The following INTS2 variants were observed in gnomAD, a reference collection of about 807,000 sequenced individuals.
The protein encoded by INTS2 is KIAA1287.
Under a neutral mutation model 139.6 loss-of-function variants are expected in INTS2, and 57 were observed. That is an observed-to-expected ratio of 0.41 (90% confidence interval 0.33 to 0.51). The LOEUF (loss-of-function observed/expected upper bound fraction) is 0.51, where lower values mean the gene tolerates loss of function less well. Ranked by LOEUF, INTS2 falls within the 20% of genes least tolerant of loss-of-function variation. INTS2 has a pLI of 0.28. For synonymous variants in INTS2, 473 were observed against 493.4 expected (o/e 0.96, Z 0.55); for missense variants, 1,196 against 1,436.7 (o/e 0.83, Z 2.71).
At chr17:61,913,647 G>T (rs1008029811) in intron 5 of INTS2, among the ~76,000 whole-genome samples, 1 of 152,022 alleles carries the variant, frequency 6.6e-6, no homozygotes, top group Non-Finnish European at 1.5e-5. Context: ...AAAAGATGAC[G>T]TCAACCTAAA....
chr17:61,867,341 G>C lies in INTS2; in HGVS notation c.*216C>G, dbSNP rs1254012004. 2 of 330,858 alleles carry C rather than the reference G, an allele frequency of 6.0e-6. No individual in the cohort carries two copies. Among genetic ancestry groups the C allele is most frequent in the African/African-American group, 4.3e-5 (2 of 46,840 alleles). The allele number at this position is 330,858 out of a possible 1,614,324, so 20.5% of individuals were successfully genotyped here. A position where few individuals can be genotyped will look rare whatever the true frequency, so the allele number is the denominator to read the frequency against. On this transcript the variant is annotated 3_prime_UTR_variant, in exon 25 of 25. Coordinates refer to ENST00000251334, the MANE Select transcript of INTS2 (RefSeq NM_001351695.2). This position sits in a 1 kb window ranked among gnomAD's most constrained non-coding sequence, Gnocchi z 5.6. ...AAAAAAAAGCTCAGCTGCTACAATA[G>C]AAACATATCAGCAAAGTAGATCCAA...
chr17:61,915,808 ACT>A (rs2079576681), intron 5 of INTS2, among the ~76,000 whole-genome samples: 1 of 129,770 alleles, frequency 7.7e-6, no homozygotes, highest in African/African-American at 2.8e-5. Context: ...ACAGAGCAAG[ACT>A]CTGTCTAAAA....
In INTS2 at chr17:61,909,605, C is replaced by T. The variant is rs1236408116; in HGVS notation, c.954+1915G>A. On this transcript the variant is annotated intron_variant, in intron 7 of 24. Coordinates refer to ENST00000251334, the MANE Select transcript of INTS2 (RefSeq NM_001351695.2). The surrounding 1 kb of genome is among the most constrained non-coding windows in gnomAD (Gnocchi z 4.9). ...TCTATGATGTGTATTATCCCACTCG[C>T]TTATGTCCATGTGTACACATGATTA... Among the ~76,000 whole-genome samples the T allele has an allele frequency of 6.6e-6, 1 of 152,076 alleles. No individual in the cohort carries two copies.
chr17:61,886,791 T>C (rs2079233346), intron 15 of INTS2, among the ~76,000 whole-genome samples: 1 of 152,210 alleles, frequency 6.6e-6, no homozygotes, highest in Admixed American at 6.5e-5. Flanking sequence ...GTTTATTCTC[T>C]TACAAACTAC....
At chr17:61,885,952 T>C (rs1229456002) in intron 15 of INTS2, among the ~76,000 whole-genome samples, 1 of 147,606 alleles carries the variant, frequency 6.8e-6, no homozygotes, top group South Asian at 2.2e-4. Context: ...ATGGTCTCGA[T>C]CTCCTGACCT....
At chr17:61,913,113 G>A (rs1253324186) in intron 5 of INTS2, among the ~76,000 whole-genome samples, 3 of 151,348 alleles carry the variant, frequency 2.0e-5, no homozygotes, top group African/African-American at 2.4e-5. Context: ...GAGGATAGGC[G>A]CATCACCTGA....
Position 61,909,387 on chromosome 17 carries a change from G to T in INTS2, c.955-1753C>A, listed in dbSNP as rs940088322. Among the ~76,000 whole-genome samples, 1 of 152,158 alleles carries T rather than the reference G, an allele frequency of 6.6e-6. No homozygotes were observed. The highest frequency in any genetic ancestry group is 2.4e-5 in the African/African-American group (1 of 41,442). On this transcript the variant is annotated intron_variant, in intron 7 of 24. Transcript: ENST00000251334. This position sits in a 1 kb window ranked among gnomAD's most constrained non-coding sequence, Gnocchi z 4.9. ...GCCTCCCAAAGTGCTGGGATTACAG[G>T]CGTAAGCCACCCCACCCAGCCCTTA...
At chr17:61,906,224 TG>T (rs2079461289) in intron 8 of INTS2, among the ~76,000 whole-genome samples, 1 of 152,190 alleles carries the variant, frequency 6.6e-6, no homozygotes, top group South Asian at 2.1e-4. Context: ...AAATGCTCAT[TG>T]GAGCATTAAG....
chr17:61,921,833 A>C lies in INTS2; in HGVS notation c.433-6T>G. 1 of 1,406,598 alleles carries C rather than the reference A, an allele frequency of 7.1e-7. No individual in the cohort carries two copies. Among genetic ancestry groups the C allele is most frequent in the Non-Finnish European group, 9.8e-7 (1 of 1,015,888 alleles). The allele number at this position is 1,406,598 out of a possible 1,614,324, so 87.1% of individuals were successfully genotyped here. A position where few individuals can be genotyped will look rare whatever the true frequency, so the allele number is the denominator to read the frequency against. ...TCTCCGTTGGACTCAGACACCTTAA[A>C]AAAGAAAAAAAAAAGATATAAACTC... On this transcript the variant is annotated splice_region_variant and splice_polypyrimidine_tract_variant and intron_variant, in intron 3 of 24. Coordinates refer to ENST00000251334, the MANE Select transcript of INTS2 (RefSeq NM_001351695.2).
rs1037657854 is a variant in INTS2, at chr17:61,869,497, T to A, written c.3031-117A>T. 2.4e-6 allele frequency: 2 copies of A among 833,544 alleles called. No individual in the cohort carries two copies. Among genetic ancestry groups the A allele is most frequent in the African/African-American group, 3.5e-5 (2 of 57,904 alleles). The allele number at this position is 833,544 out of a possible 1,614,324, so 51.6% of individuals were successfully genotyped here. ...GTAAAAATTGCTCAGAAGGCTATAG[T>A]GCCCCATATGTAACCTGGCATTTCA... On this transcript the variant is annotated intron_variant, in intron 21 of 24. Coordinates refer to ENST00000251334, the MANE Select transcript of INTS2 (RefSeq NM_001351695.2). The surrounding 1 kb of genome is among the most constrained non-coding windows in gnomAD (Gnocchi z 5.4).
At position 61,882,995 on chromosome 17, in the gene INTS2, A is replaced by G. The variant is rs1212547972; in HGVS notation, c.2090-1824T>C. 2.0e-5 allele frequency among the ~76,000 whole-genome samples: 3 copies of G among 152,148 alleles called. No homozygotes were observed. The highest frequency in any genetic ancestry group is 4.4e-5 in the Non-Finnish European group (3 of 68,016). ...TTCTCATAGAAACAGCTTAAAATTGATGTTTCTGTGTTTGAAAAGACATCG... is the reference window on the plus strand; with the variant it reads ...TTCTCATAGAAACAGCTTAAAATTGGTGTTTCTGTGTTTGAAAAGACATCG... On this transcript the variant is annotated intron_variant, in intron 16 of 24. Transcript: ENST00000251334. The surrounding 1 kb of genome is among the most constrained non-coding windows in gnomAD (Gnocchi z 4.7).
intron 6 of INTS2, 32 bp downstream of exon 6, chr17:61,911,908 G>C: frequency 6.3e-7 from 1 of 1,597,410 alleles, no homozygotes; most frequent in East Asian, 2.2e-5. Context: ...TAATATAAAG[G>C]CCTTTGTCTA....
Position 61,909,815 on chromosome 17 carries a change from A to ATGTGTGTG in INTS2, c.954+1704_954+1705insCACACACA, listed in dbSNP as rs765163741. On this transcript the variant is annotated intron_variant, in intron 7 of 24. Transcript: ENST00000251334. This position sits in a 1 kb window ranked among gnomAD's most constrained non-coding sequence, Gnocchi z 4.9. ...TATACATATATACGTGTGTGTGTAC[A>ATGTGTGTG]TGTGTGTATGTGTGTGTGTGTGTGT... is the stretch of plus-strand genomic sequence containing the variant. Among the ~76,000 whole-genome samples the ATGTGTGTG allele has an allele frequency of 2.8e-5, 2 of 72,510 alleles. No individual in the cohort carries two copies. Among genetic ancestry groups the ATGTGTGTG allele is most frequent in the African/African-American group, 9.7e-5 (2 of 20,600 alleles). The allele number at this position is 72,510 out of a possible 152,430, so 47.6% of individuals were successfully genotyped here. A position where few individuals can be genotyped will look rare whatever the true frequency, so the allele number is the denominator to read the frequency against.
chr17:61,887,575 C>T lies in INTS2; in HGVS notation c.1984+2211G>A, dbSNP rs148837080. Among the ~76,000 whole-genome samples, 26 of 151,386 alleles carry T rather than the reference C, an allele frequency of 1.7e-4. 1 individual carries two copies. Among genetic ancestry groups the T allele is most frequent in the Middle Eastern group, 3.4e-3 (1 of 290 alleles). On this transcript the variant is annotated intron_variant, in intron 15 of 24. Coordinates refer to ENST00000251334, the MANE Select transcript of INTS2 (RefSeq NM_001351695.2). ...ATAGGAAGACTTAGTACTGCAAAGA[C>T]GTAAATTCTCTCCAAATTAATCTAT... is the stretch of plus-strand genomic sequence containing the variant.
rs2079189100 is a variant in INTS2 at position 61,882,788 on chromosome 17, T to C, written c.2090-1617A>G. ...AGTTAATGAATTAACGAAGTACTAC[T>C]ATGCTAAGTGCTTCACACATAAGTA... On this transcript the variant is annotated intron_variant, in intron 16 of 24. Transcript: ENST00000251334. This position sits in a 1 kb window ranked among gnomAD's most constrained non-coding sequence, Gnocchi z 4.7. Among the ~76,000 whole-genome samples the C allele has an allele frequency of 6.6e-6, 1 of 152,214 alleles. No individual in the cohort carries two copies.
rs1567885579 is a variant in INTS2 at position 61,868,644 on chromosome 17, T to C, written c.3244+390A>G. Among the ~76,000 whole-genome samples the C allele has an allele frequency of 6.6e-6, 1 of 152,196 alleles. No homozygotes were observed. Reference sequence around the variant, plus strand: ...ATCTAATACATTTATCTTTCATTTATACATATGATGATATTTTTCTGGAAC... The same window carrying C: ...ATCTAATACATTTATCTTTCATTTACACATATGATGATATTTTTCTGGAAC... On this transcript the variant is annotated intron_variant, in intron 23 of 24. Coordinates refer to ENST00000251334, the MANE Select transcript of INTS2 (RefSeq NM_001351695.2). This position sits in a 1 kb window ranked among gnomAD's most constrained non-coding sequence, Gnocchi z 4.7.
intron 12 of INTS2, chr17:61,894,121 C>T: frequency 3.1e-6 from 1 of 325,146 alleles, no homozygotes. Flanking sequence ...AACATAGATA[C>T]ATACACAGTG....
chr17:61,869,182 C>A lies in INTS2; in HGVS notation c.3139-43G>T. On this transcript the variant is annotated intron_variant, in intron 22 of 24. Transcript: ENST00000251334. This position sits in a 1 kb window ranked among gnomAD's most constrained non-coding sequence, Gnocchi z 5.4. ...GTTATTACATGTTTCTCAAGAATAT[C>A]TTTAGGTATTAAAAATTATAAAATG... The A allele has an allele frequency of 6.8e-7, 1 of 1,479,912 alleles. No homozygotes were observed. The highest frequency in any genetic ancestry group is 9.4e-7 in the Non-Finnish European group (1 of 1,061,818). The allele number at this position is 1,479,912 out of a possible 1,614,324, so 91.7% of individuals were successfully genotyped here.
At position 61,870,073 on chromosome 17, in the gene INTS2, A is replaced by G; in HGVS notation, c.2779-85T>C. The G allele has an allele frequency of 7.9e-7, 1 of 1,261,052 alleles. No individual in the cohort carries two copies. Among genetic ancestry groups the G allele is most frequent in the Non-Finnish European group, 1.1e-6 (1 of 927,910 alleles). The allele number at this position is 1,261,052 out of a possible 1,614,324, so 78.1% of individuals were successfully genotyped here. A position where few individuals can be genotyped will look rare whatever the true frequency, so the allele number is the denominator to read the frequency against. ...AGATTTTATTTTCACATGAACAGAT[A>G]TGATAAAATAACTAATTTCTTAAAC... is the stretch of plus-strand genomic sequence containing the variant. On this transcript the variant is annotated intron_variant, in intron 20 of 24. Coordinates refer to ENST00000251334, the MANE Select transcript of INTS2 (RefSeq NM_001351695.2). The surrounding 1 kb of genome is among the most constrained non-coding windows in gnomAD (Gnocchi z 4.4).
Sources: gnomAD v4.1 joint callset for allele counts (sites outside exome capture counted in the v4.1 genomes callset) on GRCh38, gnomAD v4.1.1 for gene constraint, Gnocchi (gnomAD v3.1) non-coding constraint, MANE v1.5 for transcripts, NCBI Gene and HGNC (gene_info 2026-07-23, HGNC 2026-07-21) for gene names.